The following GSAP variants were observed in gnomAD, a reference collection of about 807,000 sequenced individuals.
GSAP encodes gamma-secretase-activating protein.
A neutral mutation model predicts 131.7 loss-of-function variants in GSAP; 118 were observed. The ratio of observed to expected loss-of-function variants is 0.90; its 90% CI spans 0.77 to 1.04. GSAP has a LOEUF of 1.04. GSAP is among the 50% of genes least tolerant of loss of function. The pLI is 0.00. For synonymous variants in GSAP, 381 were observed against 363.4 expected, an observed-to-expected ratio of 1.05 and a Z score of -0.55; for missense variants, 1,019 against 1,013.2, an observed-to-expected ratio of 1.01 and a Z score of -0.08.
chr7:77,404,616 C>G lies in GSAP; in HGVS notation c.187-1G>C, dbSNP rs751264120. 1 of 1,524,198 alleles carries G rather than the reference C, an allele frequency of 6.6e-7. No homozygotes were observed. The highest frequency in any genetic ancestry group is 1.7e-5 in the Admixed American group (1 of 58,320). The allele number at this position is 1,524,198 out of a possible 1,614,324, so 94.4% of individuals were successfully genotyped here. A position where few individuals can be genotyped will look rare whatever the true frequency, so the allele number is the denominator to read the frequency against. Reference sequence around the variant, plus strand: ...CAAAGACGACATTTCCCTTATCATCCTAAAAAAAATTAACCAGATGTTTAT... The same window carrying G: ...CAAAGACGACATTTCCCTTATCATCGTAAAAAAAATTAACCAGATGTTTAT... On this transcript the variant is annotated splice_acceptor_variant, in intron 2 of 30. Coordinates refer to ENST00000257626, the MANE Select transcript of GSAP (RefSeq NM_017439.4). LOFTEE classifies it high-confidence loss of function.
Position 77,355,266 on chromosome 7 carries a change from C to T in GSAP, c.1285G>A (p.Ala429Thr), listed in dbSNP as rs755733963. 3 of 1,613,966 alleles carry T rather than the reference C, an allele frequency of 1.9e-6. No individual in the cohort carries two copies. In the Admixed American group the frequency reaches 5.0e-5, roughly 27 times the overall value. Residue 429 changes from alanine to threonine, a missense_variant, in exon 16 of 31, where the codon GCG (alanine) becomes ACG (threonine). Coordinates refer to ENST00000257626, the MANE Select transcript of GSAP (RefSeq NM_017439.4). ...NTCLDCEKMA[A>T]LHCALYCGQG... is the part of the protein sequence containing the mutation. ...CCGCAGTAGAGCGCGCAGTGCAACG[C>T]AGCCATCTTCTCACAGTCTAAGCAA...
intron 6 of GSAP, 56 bp downstream of exon 6, chr7:77,387,304 C>A: frequency 1.1e-6 from 1 of 896,614 alleles, no homozygotes; most frequent in Non-Finnish European, 1.9e-6. Context: ...CCCAATTCTT[C>A]TAGGCTGCAT....
intron 8 of GSAP, among the ~76,000 whole-genome samples, chr7:77,380,258 C>T (rs1055600846): frequency 5.3e-5 from 8 of 152,104 alleles, no homozygotes; most frequent in East Asian, 1.9e-4. Flanking sequence ...CATACCTTTT[C>T]GTGATATGAA....
chr7:77,351,314 T>C, intron 18 of GSAP: 2 of 898,784 alleles, frequency 2.2e-6, no homozygotes, highest in Non-Finnish European at 2.6e-6. Flanking sequence ...TTCAGGATTA[T>C]CTATGTGTAA....
intron 5 of GSAP, among the ~76,000 whole-genome samples, chr7:77,389,925 C>A (rs1424416517): frequency 4.6e-5 from 7 of 152,182 alleles, no homozygotes; most frequent in East Asian, 3.8e-4. Flanking sequence ...TCCTATTTCT[C>A]CACATCCTCT....
intron 12 of GSAP, among the ~76,000 whole-genome samples, chr7:77,370,511 C>G (rs1276190317): frequency 6.6e-6 from 1 of 152,176 alleles, no homozygotes; most frequent in Non-Finnish European, 1.5e-5. Context: ...AAGAACCCAC[C>G]CTGCTCCCTC....
chr7:77,346,060 A>AG (rs1403918548), intron 19 of GSAP, among the ~76,000 whole-genome samples: 1 of 151,972 alleles, frequency 6.6e-6, no homozygotes, highest in Non-Finnish European at 1.5e-5. Flanking sequence ...ACCTGAGGTC[A>AG]GGAGTTCGAG....
chr7:77,348,052 C>T (rs1189343177), intron 19 of GSAP, among the ~76,000 whole-genome samples: 1 of 151,332 alleles, frequency 6.6e-6, no homozygotes, highest in Non-Finnish European at 1.5e-5. Context: ...GACTGTAGTA[C>T]CAACCACTCA....
chr7:77,371,093 C>T (rs1796050297), intron 12 of GSAP, among the ~76,000 whole-genome samples: 1 of 151,818 alleles, frequency 6.6e-6, no homozygotes, highest in Non-Finnish European at 1.5e-5. Flanking sequence ...CAGATTTATT[C>T]ATTGCCAGTC....
intron 1 of GSAP, among the ~76,000 whole-genome samples, chr7:77,414,287 T>G (rs1803869781): frequency 6.6e-6 from 1 of 152,260 alleles, no homozygotes; most frequent in Non-Finnish European, 1.5e-5. Context: ...GATAATGATT[T>G]CCACAAATGT....
chr7:77,389,948 G>T (rs1301718588), intron 5 of GSAP, among the ~76,000 whole-genome samples: 4 of 152,168 alleles, frequency 2.6e-5, no homozygotes, highest in African/African-American at 9.7e-5. Context: ...AGCACCTGTT[G>T]TTTCCTGACT....
chr7:77,333,306 T>C (rs1789436406), intron 19 of GSAP, among the ~76,000 whole-genome samples: 1 of 152,184 alleles, frequency 6.6e-6, no homozygotes, highest in Admixed American at 6.5e-5. Flanking sequence ...TCTTTGGGTG[T>C]GAGCAAAGAC....
chr7:77,402,306 T>C (rs1263663628), intron 3 of GSAP, among the ~76,000 whole-genome samples: 2 of 149,166 alleles, frequency 1.3e-5, no homozygotes, highest in Non-Finnish European at 3.0e-5. Flanking sequence ...CTCAGCACTT[T>C]GGGGCTGAGG....
At chr7:77,377,237 T>TTAAAAAAA in intron 9 of GSAP, 49 bp downstream of exon 9, 1 of 891,784 alleles carries the variant, frequency 1.1e-6, no homozygotes, top group South Asian at 3.5e-5. Context: ...AATATTTTTG[T>TTAAAAAAA]AAAAAAAAAA....
chr7:77,397,534 G>T (rs1346625265), intron 3 of GSAP, 119 bp from the exon 4 acceptor site: 4 of 586,828 alleles, frequency 6.8e-6, no homozygotes, highest in Non-Finnish European at 1.2e-5. Flanking sequence ...TTTTGGTAAA[G>T]AATCAAACTA....
chr7:77,408,111 T>C (rs1009122202), intron 1 of GSAP, among the ~76,000 whole-genome samples: 15 of 152,210 alleles, frequency 9.9e-5, no homozygotes, highest in African/African-American at 3.6e-4. Flanking sequence ...CCATTAATGT[T>C]TTCCTTCCTG....
chr7:77,323,926 AT>A (rs763884299), intron 23 of GSAP, among the ~76,000 whole-genome samples, 184 bp from the exon 24 acceptor site: 6 of 152,180 alleles, frequency 3.9e-5, no homozygotes, highest in Non-Finnish European at 7.4e-5. Context: ...GGTCCCCAAC[AT>A]TTGCCTCAAA....
intron 5 of GSAP, among the ~76,000 whole-genome samples, chr7:77,394,516 G>A (rs1800058158): frequency 6.6e-6 from 1 of 152,164 alleles, no homozygotes; most frequent in Non-Finnish European, 1.5e-5. Context: ...TTCAGGCACA[G>A]TTATGGGGAA....
chr7:77,416,099 CA>C, intron 1 of GSAP, 113 bp downstream of exon 1: 1 of 564,936 alleles, frequency 1.8e-6, no homozygotes, highest in Non-Finnish European at 2.9e-6. Flanking sequence ...GCCCTCGCAC[CA>C]GCCTTCTCAG....
Sources: allele counts gnomAD v4.1 joint callset (sites outside exome capture counted in the v4.1 genomes callset), GRCh38; gene constraint gnomAD v4.1.1; transcripts MANE v1.5; gene names NCBI Gene and HGNC (gene_info 2026-07-23, HGNC 2026-07-21).